Variants in LIMCH1 observed in about 807,000 individuals in gnomAD.
The protein encoded by LIMCH1 is LIM and calponin homology domains-containing protein 1.
A neutral mutation model predicts 176.5 loss-of-function variants in LIMCH1; 113 were observed. That is an observed-to-expected ratio of 0.64 (90% CI 0.55 to 0.75). LIMCH1 has a LOEUF of 0.75. Ranked by LOEUF, LIMCH1 falls within the 30% of genes least tolerant of loss-of-function variation. The pLI is 0.00. For missense variants in LIMCH1, 1,674 were observed against 1,814.9 expected (o/e 0.92, Z 1.41); for synonymous variants, 619 against 645.9 (o/e 0.96, Z 0.63).
intron 17 of LIMCH1, among the ~76,000 whole-genome samples, 185 bp downstream of exon 17, chr4:41,647,078 T>G (rs1382388214): frequency 6.6e-6 from 1 of 152,248 alleles, no homozygotes; most frequent in African/African-American, 2.4e-5. Flanking sequence ...GACAGCTGTT[T>G]CCCTCAATTG....
At chr4:41,678,817 G>A (rs138366378) in intron 23 of LIMCH1, among the ~76,000 whole-genome samples, 5 of 152,236 alleles carry the variant, frequency 3.3e-5, no homozygotes, top group Admixed American at 1.3e-4. Context: ...AGGGGAACAC[G>A]TGATGTAAGT....
intron 1 of LIMCH1, among the ~76,000 whole-genome samples, chr4:41,405,031 G>A (rs1046797926): frequency 2.6e-5 from 4 of 152,014 alleles, no homozygotes; most frequent in South Asian, 2.1e-4. Flanking sequence ...TCAATTTTTA[G>A]TTGCACTCAG....
chr4:41,610,097 C>T (rs1167458365), intron 4 of LIMCH1, among the ~76,000 whole-genome samples: 1 of 152,216 alleles, frequency 6.6e-6, no homozygotes, highest in Non-Finnish European at 1.5e-5. Flanking sequence ...AGGTTTGATT[C>T]TTGGCTTTCT....
Position 41,646,289 on chromosome 4 carries a change from T to C in LIMCH1, c.2411+9T>C. 1 of 1,598,372 alleles carries C rather than the reference T, an allele frequency of 6.3e-7. No individual in the cohort carries two copies. Among genetic ancestry groups the C allele is most frequent in the Non-Finnish European group, 8.5e-7 (1 of 1,175,940 alleles). ...GAAATTGTTCAAGAAAAGTGAGTTC[T>C]TTCTGTTGTCGTTTTTAATGTACAA... On this transcript the variant is annotated intron_variant, in intron 16 of 31. Transcript: ENST00000503057.
chr4:41,412,038 G>T (rs2059541416), intron 1 of LIMCH1, among the ~76,000 whole-genome samples: 1 of 149,286 alleles, frequency 6.7e-6, no homozygotes, highest in Non-Finnish European at 1.5e-5. Context: ...CAGAGAATGT[G>T]CATTTTTAAA....
At chr4:41,590,573 TC>T (rs1032605391) in intron 1 of LIMCH1, among the ~76,000 whole-genome samples, 18 of 152,122 alleles carry the variant, frequency 1.2e-4, no homozygotes, top group African/African-American at 4.3e-4. Context: ...GCCTCCTCTG[TC>T]TCACCTTTCA....
chr4:41,538,433 T>C (rs951188463), intron 1 of LIMCH1, 83 bp downstream of exon 1: 2 of 837,548 alleles, frequency 2.4e-6, no homozygotes, highest in African/African-American at 3.7e-5. Context: ...CTTTAATACT[T>C]GGTTTAAAAA....
chr4:41,666,819 A>C (rs1030382059), intron 21 of LIMCH1, among the ~76,000 whole-genome samples, 153 bp downstream of exon 21: 5 of 152,188 alleles, frequency 3.3e-5, no homozygotes, highest in African/African-American at 1.2e-4. Flanking sequence ...TTATGACTTC[A>C]GAATGGAAAG....
chr4:41,636,675 T>A (rs1316277854), intron 13 of LIMCH1, among the ~76,000 whole-genome samples: 1 of 152,162 alleles, frequency 6.6e-6, no homozygotes, highest in African/African-American at 2.4e-5. Flanking sequence ...TCTGCTTCTG[T>A]GGGGCTTACA....
intron 1 of LIMCH1, among the ~76,000 whole-genome samples, chr4:41,367,866 T>TAAAAAA (rs750045066): frequency 1.1e-5 from 1 of 90,948 alleles, no homozygotes; most frequent in Non-Finnish European, 2.3e-5. Context: ...GACTCCATCA[T>TAAAAAA]AAAAAAAAAA....
chr4:41,424,604 A>G (rs2154132745), intron 1 of LIMCH1, among the ~76,000 whole-genome samples: 1 of 152,338 alleles, frequency 6.6e-6, no homozygotes, highest in Non-Finnish European at 1.5e-5. Context: ...TTGTAATGAA[A>G]CTTATGAATG....
intron 1 of LIMCH1, among the ~76,000 whole-genome samples, chr4:41,377,909 A>G (rs1432064808): frequency 3.9e-5 from 6 of 152,210 alleles, no homozygotes; most frequent in Non-Finnish European, 7.3e-5. Context: ...TGAGGGCAGA[A>G]TGCTCATGAC....
Position 41,499,151 on chromosome 4 carries a change from A to G in LIMCH1, c.167+4545A>G, listed in dbSNP as rs377684542. On this transcript the variant is annotated intron_variant, in intron 2 of 26. Coordinates refer to the LIMCH1 transcript ENST00000313860. ...ATAACATTTTACAAAAGGTTTTCCC[A>G]GGAGTCTCTTTACAAGTTTTCTCCC... 7.2e-5 allele frequency among the ~76,000 whole-genome samples: 11 copies of G among 152,246 alleles called. 1 individual carries two copies. Among genetic ancestry groups the G allele is most frequent in the African/African-American group, 2.4e-4 (10 of 41,478 alleles).
chr4:41,471,017 C>T (rs1477694663), intron 1 of LIMCH1, among the ~76,000 whole-genome samples: 1 of 142,406 alleles, frequency 7.0e-6, no homozygotes, highest in Admixed American at 7.0e-5. Flanking sequence ...CCAGTCTTTC[C>T]AAACTAAGAC....
At chr4:41,637,722 A>G (rs964779801) in intron 13 of LIMCH1, among the ~76,000 whole-genome samples, 3 of 152,226 alleles carry the variant, frequency 2.0e-5, no homozygotes, top group African/African-American at 7.2e-5. Flanking sequence ...TTCACTGTGA[A>G]TTAAATCATT....
intron 4 of LIMCH1, 64 bp from the exon 5 acceptor site, chr4:41,613,402 C>A: frequency 7.1e-7 from 1 of 1,404,458 alleles, no homozygotes; most frequent in Non-Finnish European, 9.9e-7. Context: ...CCACTGGAGA[C>A]CCATCTTCCT....
intron 18 of LIMCH1, among the ~76,000 whole-genome samples, chr4:41,655,958 A>G (rs1198811658): frequency 2.0e-5 from 3 of 152,136 alleles, no homozygotes; most frequent in African/African-American, 7.2e-5. Flanking sequence ...TGTTCATCAG[A>G]TCTCTCTCAC....
chr4:41,646,428 G>T, intron 16 of LIMCH1, 57 bp from the exon 17 acceptor site: 1 of 1,576,100 alleles, frequency 6.3e-7, no homozygotes, highest in Non-Finnish European at 8.6e-7. Context: ...TTCTACCAAG[G>T]TCTTCTTTGC....
intron 1 of LIMCH1, among the ~76,000 whole-genome samples, chr4:41,435,573 T>C (rs2062005285): frequency 6.6e-6 from 1 of 152,234 alleles, no homozygotes; most frequent in Non-Finnish European, 1.5e-5. Context: ...CTACAATTTC[T>C]TTGCTCATTT....
Sources: allele counts gnomAD v4.1 joint callset (sites outside exome capture counted in the v4.1 genomes callset), GRCh38; gene constraint gnomAD v4.1.1; transcripts MANE v1.5; gene names NCBI Gene and HGNC (gene_info 2026-07-23, HGNC 2026-07-21).